RRBP1: variants seen among roughly 807,000 people sequenced by gnomAD.
RRBP1 encodes ribosome binding protein 1, also known as ribosome-binding protein 1.
Under a neutral mutation model 165.2 loss-of-function variants are expected in RRBP1, and 94 were observed. The ratio of observed to expected loss-of-function variants is 0.57; its 90% CI spans 0.48 to 0.68. RRBP1 has a LOEUF of 0.68. RRBP1 is among the 30% of genes least tolerant of loss of function. The pLI is 0.00. For missense variants in RRBP1, 1,676 were observed against 1,763.0 expected (o/e 0.95, Z 0.88); for synonymous variants, 680 against 714.5 (o/e 0.95, Z 0.77).
In RRBP1 at chr20:17,656,573, A is replaced by G. The variant is rs550097632; in HGVS notation, c.1912+2023T>C. Among the ~76,000 whole-genome samples, 22 of 152,244 alleles carry G rather than the reference A, an allele frequency of 1.4e-4. No homozygotes were observed. The South Asian group carries it at 4.6e-3, about 32-fold the overall frequency. Reference sequence around the variant, plus strand: ...CCTACTGCAATATGATGCTTCTCTCATTCAAGTTCTCAGTCAGTTTCAGAG... The same window carrying G: ...CCTACTGCAATATGATGCTTCTCTCGTTCAAGTTCTCAGTCAGTTTCAGAG... On this transcript the variant is annotated intron_variant, in intron 3 of 24. Coordinates refer to ENST00000377813, the MANE Select transcript of RRBP1 (RefSeq NM_001365613.2).
chr20:17,672,993 G>A (rs2037006870), intron 2 of RRBP1, among the ~76,000 whole-genome samples: 1 of 152,194 alleles, frequency 6.6e-6, no homozygotes, highest in Non-Finnish European at 1.5e-5. Context: ...AGCTGGAAGA[G>A]GGGCACAGAA....
chr20:17,677,877 T>C (rs918561547), intron 2 of RRBP1, among the ~76,000 whole-genome samples: 3 of 152,096 alleles, frequency 2.0e-5, no homozygotes, highest in Non-Finnish European at 4.4e-5. Context: ...AAAAAAGTTA[T>C]ATGGAGAATA....
At chr20:17,648,197 G>A (rs763945721) in intron 3 of RRBP1, among the ~76,000 whole-genome samples, 9 of 151,856 alleles carry the variant, frequency 5.9e-5, no homozygotes, top group East Asian at 2.0e-4. Flanking sequence ...GAGGAGCTCC[G>A]GCCAACATCA....
In RRBP1 at chr20:17,660,328, T is replaced by C; in HGVS notation, c.180A>G (p.Lys60=). ...AKTHHQKVEK[K]KKEKTVEKKG... Reference sequence around the variant, plus strand: ...TCTTCTCCACTGTTTTCTCCTTCTTTTTCTTCTCGACTTTCTGGTGGTGAG... The same window carrying C: ...TCTTCTCCACTGTTTTCTCCTTCTTCTTCTTCTCGACTTTCTGGTGGTGAG... The change falls in exon 3 of 25, where the codon AAA becomes AAG. Residue 60 remains lysine, a synonymous_variant. Transcript: ENST00000377813. 3.1e-6 allele frequency: 5 copies of C among 1,612,964 alleles called. No individual in the cohort carries two copies. The highest frequency in any genetic ancestry group is 4.2e-6 in the Non-Finnish European group (5 of 1,179,442).
chr20:17,642,438 T>C lies in RRBP1; in HGVS notation c.2062-519A>G, dbSNP rs1022220342. 1.1e-4 allele frequency among the ~76,000 whole-genome samples: 16 copies of C among 151,638 alleles called. 1 individual carries two copies. Among genetic ancestry groups the C allele is most frequent in the Non-Finnish European group, 1.8e-4 (12 of 67,898 alleles). On this transcript the variant is annotated intron_variant, in intron 4 of 24. Transcript: ENST00000377813. ...AGGATGTGTATGGCCAGGAAGGGAGTGACCCCACTGGCCTCAGGGCACACC... is the reference window on the plus strand; with the variant it reads ...AGGATGTGTATGGCCAGGAAGGGAGCGACCCCACTGGCCTCAGGGCACACC...
rs371215121 is a variant in RRBP1, at chr20:17,614,852, G to T, written c.4079C>A (p.Thr1360Lys). ...KERLEKEKKL[T>K]SDLGRAATRL... is the part of the protein sequence containing the mutation. ...CGTGGCGGCGCGCCCCAGGTCACTT[G>T]TTAACTTCTTCTCTTTTTCTAGTCT... is the stretch of plus-strand genomic sequence containing the variant. The change falls in exon 24 of 25, where the codon ACA becomes AAA. Residue 1360 changes from threonine (T) to lysine (K), a missense_variant. By Grantham distance (78) the Thr-to-Lys change is moderately conservative (BLOSUM62 -1). This residue lies in a region of RRBP1 where 1,184 missense variants were observed against 1,167.1 expected (regional missense o/e 1.01). Coordinates refer to ENST00000377813, the MANE Select transcript of RRBP1 (RefSeq NM_001365613.2). 1.8e-5 allele frequency: 29 copies of T among 1,613,740 alleles called. No individual in the cohort carries two copies. Among genetic ancestry groups the T allele is most frequent in the Non-Finnish European group, 2.5e-5 (29 of 1,180,004 alleles).
rs117806395 is a variant in RRBP1 at position 17,678,914 on chromosome 20, G to A, written c.-22+1085C>T. ...AAAAATGAAATGAAAAATACCTTCA[G>A]CACTGCCAGATTTTCAAAATGCCTC... On this transcript the variant is annotated intron_variant, in intron 2 of 24. Coordinates refer to ENST00000377813, the MANE Select transcript of RRBP1 (RefSeq NM_001365613.2). 2.1e-3 allele frequency among the ~76,000 whole-genome samples: 316 copies of A among 152,296 alleles called. 1 individual carries two copies. Among genetic ancestry groups the A allele is most frequent in the Non-Finnish European group, 3.0e-3 (204 of 68,030 alleles).
At position 17,616,825 on chromosome 20, in the gene RRBP1, C is replaced by G. The variant is rs1400532863; in HGVS notation, c.3774G>C (p.Leu1258Phe). The change falls in exon 21 of 25, where the codon TTG (leucine) becomes TTC (phenylalanine). Residue 1258 changes from leucine (L) to phenylalanine (F), a missense_variant. Leu to Phe is a conservative substitution (Grantham distance 22). Around this residue, in one of 5 missense-constraint regions of RRBP1, gnomAD observed 1,184 missense variants for 1,167.1 expected, o/e 1.01. Transcript: ENST00000377813. ...SDELALVRQQ[L>F]SEMKSHVEDG... Reference sequence around the variant, plus strand: ...CCTCTACGTGGCTCTTCATTTCACTCAACTGCTGCCTGACCTGGAACAGGA... The same window carrying G: ...CCTCTACGTGGCTCTTCATTTCACTGAACTGCTGCCTGACCTGGAACAGGA... 3.7e-6 allele frequency: 6 copies of G among 1,613,198 alleles called. No homozygotes were observed. The South Asian group carries it at 6.6e-5, about 18-fold the overall frequency.
rs75786397 is a variant in RRBP1, at chr20:17,639,547, G to C, written c.2184+2250C>G. On this transcript the variant is annotated intron_variant, in intron 5 of 24. Coordinates refer to ENST00000377813, the MANE Select transcript of RRBP1 (RefSeq NM_001365613.2). ...ACTGCCACACTCTCTGGAATTTACTGTCTCACAACATTTCCCTCAGCAGTG... is the reference window on the plus strand; with the variant it reads ...ACTGCCACACTCTCTGGAATTTACTCTCTCACAACATTTCCCTCAGCAGTG... 8.1e-4 allele frequency among the ~76,000 whole-genome samples: 123 copies of C among 152,334 alleles called. 1 individual carries two copies. The highest frequency in any genetic ancestry group is 2.8e-3 in the African/African-American group (118 of 41,584).
At chr20:17,628,798 G>A (rs2036086208) in intron 9 of RRBP1, among the ~76,000 whole-genome samples, 1 of 152,244 alleles carries the variant, frequency 6.6e-6, no homozygotes, top group Admixed American at 6.5e-5. Flanking sequence ...GCCCTCTGGA[G>A]CAGGGGCCGG....
chr20:17,663,389 G>C (rs1014014889), intron 2 of RRBP1, among the ~76,000 whole-genome samples: 2 of 152,156 alleles, frequency 1.3e-5, no homozygotes, highest in Middle Eastern at 6.3e-3. Context: ...AACAAACTCG[G>C]GAGAATATTT....
chr20:17,631,224 C>T lies in RRBP1; in HGVS notation c.2611-1263G>A, dbSNP rs991782658. ...GGGCAGGAGCCTGCCTTGCACCCAC[C>T]GGCTCCAACACCCTCACACCTCTGC... is the stretch of plus-strand genomic sequence containing the variant. On this transcript the variant is annotated intron_variant, in intron 8 of 24. Coordinates refer to ENST00000377813, the MANE Select transcript of RRBP1 (RefSeq NM_001365613.2). Among the ~76,000 whole-genome samples, 11 of 152,376 alleles carry T rather than the reference C, an allele frequency of 7.2e-5. No individual in the cohort carries two copies. In the South Asian group the frequency reaches 1.7e-3, roughly 23 times the overall value.
intron 9 of RRBP1, among the ~76,000 whole-genome samples, chr20:17,628,169 G>GTCC (rs2036069850): frequency 6.6e-6 from 1 of 152,234 alleles, no homozygotes; most frequent in Non-Finnish European, 1.5e-5. Context: ...CCCTTGAGGT[G>GTCC]TCCTCCTCCT....
At chr20:17,669,209 T>C (rs2036928418) in intron 2 of RRBP1, among the ~76,000 whole-genome samples, 1 of 152,224 alleles carries the variant, frequency 6.6e-6, no homozygotes. Context: ...TCATCAGCCA[T>C]TTCAGATTCA....
intron 2 of RRBP1, among the ~76,000 whole-genome samples, chr20:17,674,909 ACT>A (rs1232902772): frequency 6.6e-6 from 1 of 152,132 alleles, no homozygotes; most frequent in African/African-American, 2.4e-5. Flanking sequence ...ATGCTCAGTG[ACT>A]CTGCAAGGCC....
At position 17,621,769 on chromosome 20, in the gene RRBP1, T is replaced by C; in HGVS notation, c.3245A>G (p.Tyr1082Cys). The change falls in exon 15 of 25, where the codon TAC (tyrosine) becomes TGC (cysteine). Residue 1082 changes from tyrosine to cysteine, a missense_variant. Around this residue, in one of 5 missense-constraint regions of RRBP1, gnomAD observed 1,184 missense variants for 1,167.1 expected, o/e 1.01. Coordinates refer to ENST00000377813, the MANE Select transcript of RRBP1 (RefSeq NM_001365613.2). ...PELSVLAQQNYTEWLQDLKEK... is the reference protein window; with the variant it reads ...PELSVLAQQNCTEWLQDLKEK... ...TTTGAGATCCTGCAGCCACTCGGTG[T>C]AATTCTGCAATGAAACACATTCGGT... 1 of 1,613,900 alleles carries C rather than the reference T, an allele frequency of 6.2e-7. No homozygotes were observed. The highest frequency in any genetic ancestry group is 8.5e-7 in the Non-Finnish European group (1 of 1,179,988).
intron 3 of RRBP1, among the ~76,000 whole-genome samples, chr20:17,644,235 T>C (rs2036422168): frequency 6.6e-6 from 1 of 152,186 alleles, no homozygotes; most frequent in South Asian, 2.1e-4. Context: ...TATAACTTCT[T>C]ACCCTGGTGA....
chr20:17,641,003 C>T (rs1490183739), intron 5 of RRBP1, among the ~76,000 whole-genome samples: 4 of 152,198 alleles, frequency 2.6e-5, no homozygotes, highest in Admixed American at 6.5e-5. Flanking sequence ...AGCAAGCCTG[C>T]GGTGCTGCAT....
Position 17,614,139 on chromosome 20 carries a change from T to C in RRBP1, c.*43A>G. On this transcript the variant is annotated 3_prime_UTR_variant, in exon 25 of 25. Coordinates refer to ENST00000377813, the MANE Select transcript of RRBP1 (RefSeq NM_001365613.2). ...TTATTTGTAAGGAATGTGTAAGGCA[T>C]TTTGGTAAGTTGAACAGTAACTTCT... The C allele has an allele frequency of 6.2e-7, 1 of 1,602,636 alleles. No individual in the cohort carries two copies.
Sources: allele counts gnomAD v4.1 joint callset (sites outside exome capture counted in the v4.1 genomes callset), GRCh38; gene constraint gnomAD v4.1.1; regional missense constraint gnomAD v4.1.1; transcripts MANE v1.5; gene names NCBI Gene and HGNC (gene_info 2026-07-23, HGNC 2026-07-21).